SLC45A4: variants seen among roughly 807,000 people sequenced by gnomAD.
SLC45A4 encodes polyamine-transporter SLC45A4.
In SLC45A4, 32 loss-of-function variants were observed where a neutral mutation model predicts 63.7. That is an observed-to-expected ratio of 0.50 (90% confidence interval 0.38 to 0.67). The LOEUF is 0.67. Ranked by LOEUF, SLC45A4 falls within the 30% of genes least tolerant of loss-of-function variation. The probability of loss-of-function intolerance (pLI) is 0.00; values close to 1 mark genes in which losing one functional copy is unlikely to be tolerated. For missense variants in SLC45A4, 1,027 were observed against 1,157.7 expected (o/e 0.89, Z 1.64); for synonymous variants, 535 against 510.0 (o/e 1.05, Z -0.66).
chr8:141,273,473 C>T (rs1031119099), intron 1 of SLC45A4, among the ~76,000 whole-genome samples: 9 of 152,128 alleles, frequency 5.9e-5, no homozygotes, highest in African/African-American at 2.2e-4. Context: ...GTCGCGGTTA[C>T]TTTAGGAGCA....
rs550799499 is a variant in SLC45A4, at chr8:141,256,184, A to C, written c.-400-1555T>G. Among the ~76,000 whole-genome samples, 7 of 152,180 alleles carry C rather than the reference A, an allele frequency of 4.6e-5. No homozygotes were observed. Among genetic ancestry groups the C allele is most frequent in the Non-Finnish European group, 1.0e-4 (7 of 68,022 alleles). On this transcript the variant is annotated intron_variant, in intron 1 of 8. Transcript: ENST00000517878. The surrounding 1 kb of genome is among the most constrained non-coding windows in gnomAD (Gnocchi z 4.3). Reference sequence around the variant, plus strand: ...TGAGGTCAATCTCTCCTCAGGTAAGATAAGATCGGGGATGTGGAACACCCC... The same window carrying C: ...TGAGGTCAATCTCTCCTCAGGTAAGCTAAGATCGGGGATGTGGAACACCCC...
intron 1 of SLC45A4, among the ~76,000 whole-genome samples, chr8:141,297,605 C>T (rs909370490): frequency 6.6e-6 from 1 of 152,380 alleles, no homozygotes; most frequent in South Asian, 2.1e-4. Flanking sequence ...TATCAGCACA[C>T]AGCCTGGCTG....
chr8:141,282,591 G>A (rs778243442), intron 1 of SLC45A4, among the ~76,000 whole-genome samples: 16 of 152,210 alleles, frequency 1.1e-4, no homozygotes, highest in African/African-American at 3.1e-4. Flanking sequence ...TCGTGGATGC[G>A]GTCCTCCCTT....
At chr8:141,299,394 C>T (rs72683520) in intron 1 of SLC45A4, among the ~76,000 whole-genome samples, 9,815 of 152,300 alleles carry the variant, frequency 0.064, 756 homozygotes, top group East Asian at 0.43. Context: ...TTCCCTTCGG[C>T]TTACCTAGGG....
intron 2 of SLC45A4, among the ~76,000 whole-genome samples, chr8:141,237,149 T>C (rs1300020249): frequency 3.3e-5 from 5 of 152,226 alleles, no homozygotes; most frequent in Non-Finnish European, 7.3e-5. Flanking sequence ...TTGCTTACTA[T>C]ATGGGATTTA....
intron 2 of SLC45A4, among the ~76,000 whole-genome samples, chr8:141,253,631 G>A (rs1263603708): frequency 6.6e-6 from 1 of 152,214 alleles, no homozygotes; most frequent in African/African-American, 2.4e-5. Context: ...GACTGTCAGT[G>A]CTGGCGACCC....
chr8:141,286,051 G>A (rs1322510336), intron 1 of SLC45A4, among the ~76,000 whole-genome samples: 4 of 152,188 alleles, frequency 2.6e-5, no homozygotes, highest in African/African-American at 4.8e-5. Flanking sequence ...CCCCACAGGC[G>A]TGGGCAGTTG....
intron 2 of SLC45A4, among the ~76,000 whole-genome samples, chr8:141,250,683 T>C (rs906132461): frequency 1.3e-5 from 2 of 152,188 alleles, no homozygotes; most frequent in Non-Finnish European, 2.9e-5. Context: ...CCCAGCCTGA[T>C]GTGAGTGTTC....
intron 2 of SLC45A4, among the ~76,000 whole-genome samples, chr8:141,240,230 T>C (rs1052877832): frequency 3.3e-5 from 5 of 152,246 alleles, no homozygotes; most frequent in African/African-American, 1.2e-4. Context: ...GGATGTTCTA[T>C]TGCTCACGAT....
chr8:141,238,303 T>C (rs1827730686), intron 2 of SLC45A4, among the ~76,000 whole-genome samples: 1 of 152,196 alleles, frequency 6.6e-6, no homozygotes, highest in Admixed American at 6.5e-5. Flanking sequence ...TTTTTCACAT[T>C]TTTATTGTGA....
rs1249508427 is a variant in SLC45A4 at position 141,254,452 on chromosome 8, A to G, written c.-223T>C. On this transcript the variant is annotated 5_prime_UTR_variant, in exon 2 of 9. The change abolishes an upstream ATG in the 5' untranslated region. Transcript: ENST00000517878. The surrounding 1 kb of genome is among the most constrained non-coding windows in gnomAD (Gnocchi z 4.5). ...AACGATTTTTGGTTGGATTTTAAAC[A>G]TATGGCTTGCTGGTTTACTGTGAAT... 24 of 658,572 alleles carry G rather than the reference A, an allele frequency of 3.6e-5. No homozygotes were observed. The East Asian group carries it at 6.2e-4, about 17-fold the overall frequency. The allele number at this position is 658,572 out of a possible 1,614,324, so 40.8% of individuals were successfully genotyped here.
chr8:141,281,436 C>T (rs776818647), intron 1 of SLC45A4, among the ~76,000 whole-genome samples: 2 of 152,222 alleles, frequency 1.3e-5, no homozygotes, highest in African/African-American at 4.8e-5. Context: ...AGCAACACTG[C>T]GAGTGTTGTA....
chr8:141,291,005 T>C (rs1038682834), intron 1 of SLC45A4, among the ~76,000 whole-genome samples: 65 of 152,276 alleles, frequency 4.3e-4, no homozygotes, highest in Admixed American at 1.0e-3. Context: ...CCTGCCACCA[T>C]GCCGGGCTAA....
chr8:141,294,204 A>G (rs1830458796), intron 1 of SLC45A4, among the ~76,000 whole-genome samples: 1 of 152,072 alleles, frequency 6.6e-6, no homozygotes, highest in South Asian at 2.1e-4. Flanking sequence ...CAACCGAGGG[A>G]CCCTGCCTGA....
At chr8:141,243,161 G>A (rs1387549795) in intron 2 of SLC45A4, among the ~76,000 whole-genome samples, 1 of 152,226 alleles carries the variant, frequency 6.6e-6, no homozygotes, top group African/African-American at 2.4e-5. Context: ...CGGGCCACCA[G>A]AAAGTCAGGG....
rs767014312 is a variant in SLC45A4 at position 141,219,785 on chromosome 8, C to G, written c.475G>C (p.Val159Leu). ...DVPNRQPIGIVLTVLGVVVLD... is the reference protein window; with the variant it reads ...DVPNRQPIGILLTVLGVVVLD... ...ACCACCACTCCCAGCACCGTGAGCA[C>G]GATGCCAATGGGCTGCCGGTTGGGG... The change falls in exon 4 of 9, where the codon GTG becomes CTG. Residue 159 changes from valine (V) to leucine (L), a missense_variant. Physicochemically the swap from Val to Leu is conservative, Grantham distance 32. Transcript: ENST00000517878. The G allele has an allele frequency of 4.4e-6, 7 of 1,597,500 alleles. No homozygotes were observed. The highest frequency in any genetic ancestry group is 2.3e-5 in the East Asian group (1 of 43,624).
chr8:141,300,105 T>C lies in SLC45A4; in HGVS notation c.-401+7991A>G, dbSNP rs942835176. Among the ~76,000 whole-genome samples the C allele has an allele frequency of 7.9e-5, 12 of 152,192 alleles. No homozygotes were observed. In the East Asian group the frequency reaches 1.5e-3, roughly 20 times the overall value. Reference sequence around the variant, plus strand: ...CTCCCCAAATAGCTGCATGGCCGAATTGGAAGTGACGCATTCTTAGTGGAC... The same window carrying C: ...CTCCCCAAATAGCTGCATGGCCGAACTGGAAGTGACGCATTCTTAGTGGAC... On this transcript the variant is annotated intron_variant, in intron 1 of 8. Transcript: ENST00000517878.
intron 2 of SLC45A4, among the ~76,000 whole-genome samples, chr8:141,222,571 G>C (rs1362488593): frequency 1.3e-5 from 2 of 152,242 alleles, no homozygotes; most frequent in Non-Finnish European, 2.9e-5. Context: ...CTCTGTCCCT[G>C]AGTTGACACG....
rs1040564504 is a variant in SLC45A4, at chr8:141,210,077, T to C, written c.*1495A>G. ...CATCCGCTGCTTTCTTGCCTCCAAC[T>C]GTTTTATAGTCGTCAGGACGAGAAG... On this transcript the variant is annotated 3_prime_UTR_variant, in exon 9 of 9. Coordinates refer to ENST00000517878, the MANE Select transcript of SLC45A4 (RefSeq NM_001286646.2). 3 of 152,228 alleles carry C rather than the reference T, an allele frequency of 2.0e-5. No homozygotes were observed. Among genetic ancestry groups the C allele is most frequent in the Admixed American group, 6.5e-5 (1 of 15,284 alleles). 9.4% of individuals were successfully genotyped at this position (152,228 alleles called of 1,614,324 possible).
Sources: allele counts gnomAD v4.1 joint callset (sites outside exome capture counted in the v4.1 genomes callset), GRCh38; gene constraint gnomAD v4.1.1; non-coding constraint Gnocchi (gnomAD v3.1); transcripts MANE v1.5; gene names NCBI Gene and HGNC (gene_info 2026-07-23, HGNC 2026-07-21).